CBLN4: variants seen among roughly 807,000 people sequenced by gnomAD.
CBLN4 encodes the protein cerebellin 4 precursor.
In CBLN4, 7 loss-of-function variants were observed where a neutral mutation model predicts 14.9. That is an observed-to-expected ratio of 0.47 (90% CI 0.27 to 0.88). The LOEUF is 0.88. Ranked by LOEUF, CBLN4 falls within the 40% of genes least tolerant of loss-of-function variation. The pLI, the probability that CBLN4 is intolerant of heterozygous loss-of-function variation, is 0.14. For synonymous variants in CBLN4, 131 were observed against 116.5 expected (o/e 1.12, Z -0.80); for missense variants, 188 against 256.8 (o/e 0.73, Z 1.83).
rs1208781213 is a variant in CBLN4 at position 55,997,498 on chromosome 20, C to T, written c.*1059G>A. On this transcript the variant is annotated 3_prime_UTR_variant, in exon 3 of 3. Coordinates refer to ENST00000064571, the MANE Select transcript of CBLN4 (RefSeq NM_080617.6). ...TAAATAATTTTATGAATTCATATGACCTATACAAAAGACAAGATATTGCAC... is the reference window on the plus strand; with the variant it reads ...TAAATAATTTTATGAATTCATATGATCTATACAAAAGACAAGATATTGCAC... 2 of 152,362 alleles carry T rather than the reference C, an allele frequency of 1.3e-5. No individual in the cohort carries two copies. The highest frequency in any genetic ancestry group is 3.9e-4 in the East Asian group (2 of 5,182). The allele number at this position is 152,362 out of a possible 1,614,324, so 9.4% of individuals were successfully genotyped here.
chr20:56,001,166 T>G (rs1986363028), intron 1 of CBLN4, among the ~76,000 whole-genome samples: 1 of 152,254 alleles, frequency 6.6e-6, no homozygotes. Flanking sequence ...TTTGTATTCA[T>G]GTCTCAATTT....
At chr20:56,001,082 A>G (rs903099819) in intron 1 of CBLN4, among the ~76,000 whole-genome samples, 18 of 152,156 alleles carry the variant, frequency 1.2e-4, no homozygotes, top group Admixed American at 4.6e-4. Flanking sequence ...CTCTTAACTG[A>G]TTTGGAAAAT....
chr20:56,004,966 T>C lies in CBLN4; in HGVS notation c.-795A>G, dbSNP rs116158020. The C allele has an allele frequency of 0.013, 1,912 of 152,474 alleles. 53 individuals are homozygous for C. The highest frequency in any genetic ancestry group is 0.043 in the African/African-American group (1,805 of 41,582). 9.4% of individuals were successfully genotyped at this position (152,474 alleles called of 1,614,324 possible). A position where few individuals can be genotyped will look rare whatever the true frequency, so the allele number is the denominator to read the frequency against. On this transcript the variant is annotated 5_prime_UTR_variant, in exon 1 of 3. Transcript: ENST00000064571. This position sits in a 1 kb window ranked among gnomAD's most constrained non-coding sequence, Gnocchi z 6.1. ...CTGCGCACAACTTTCTCGTCCCTCG[T>C]GCAGCCCGGAGAGCGCGAAGCGGGC...
rs1212235594 is a variant in CBLN4, at chr20:56,003,936, G to C, written c.236C>G (p.Thr79Ser). 6.2e-7 allele frequency: 1 copy of C among 1,613,754 alleles called. No homozygotes were observed. The highest frequency in any genetic ancestry group is 1.7e-5 in the Admixed American group (1 of 59,980). ...GCTCATCTCGGATGGCTCGTGGTTG[G>C]TGCTCCGCACCGCCGAGAAGGCGAC... ...SKVAFSAVRS[T>S]NHEPSEMSNK... The change falls in exon 1 of 3, where the codon ACC (threonine) becomes AGC (serine). Residue 79 changes from threonine to serine, a missense_variant. Coordinates refer to ENST00000064571, the MANE Select transcript of CBLN4 (RefSeq NM_080617.6).
rs1986296808 is a variant in CBLN4 at position 55,997,489 on chromosome 20, T to C, written c.*1068A>G. On this transcript the variant is annotated 3_prime_UTR_variant, in exon 3 of 3. Transcript: ENST00000064571. ...TAACAGACATAAATAATTTTATGAA[T>C]TCATATGACCTATACAAAAGACAAG... 6.6e-6 allele frequency: 1 copy of C among 152,578 alleles called. No individual in the cohort carries two copies. The highest frequency in any genetic ancestry group is 2.1e-4 in the South Asian group (1 of 4,824). 9.5% of individuals were successfully genotyped at this position (152,578 alleles called of 1,614,324 possible).
Position 55,997,441 on chromosome 20 carries a change from A to AACAT in CBLN4, c.*1112_*1115dup, listed in dbSNP as rs1250563637. 2.0e-5 allele frequency: 3 copies of AACAT among 152,626 alleles called. No homozygotes were observed. Among genetic ancestry groups the AACAT allele is most frequent in the Non-Finnish European group, 4.4e-5 (3 of 68,032 alleles). The allele number at this position is 152,626 out of a possible 1,614,324, so 9.5% of individuals were successfully genotyped here. A position where few individuals can be genotyped will look rare whatever the true frequency, so the allele number is the denominator to read the frequency against. On this transcript the variant is annotated 3_prime_UTR_variant, in exon 3 of 3. Transcript: ENST00000064571. ...ACGGAAAGAAAAAAACAATTCAACT[A>AACAT]ACATATATTAATCTTTATTCTATAA...
At chr20:56,001,855 A>G (rs746082710) in intron 1 of CBLN4, among the ~76,000 whole-genome samples, 1 of 152,164 alleles carries the variant, frequency 6.6e-6, no homozygotes, top group Admixed American at 6.5e-5. Context: ...GTCTCTTTCT[A>G]TGAGAAAGAG....
Position 56,004,059 on chromosome 20 carries a change from C to T in CBLN4, c.113G>A (p.Gly38Asp). The change falls in exon 1 of 3, where the codon GGC becomes GAC. Residue 38 changes from glycine to aspartate, a missense_variant. Physicochemically the swap from Gly to Asp is moderately conservative, Grantham distance 94. This residue lies in a region of CBLN4 where 95 missense variants were observed against 99.2 expected (regional missense o/e 0.96). Coordinates refer to ENST00000064571, the MANE Select transcript of CBLN4 (RefSeq NM_080617.6). The surrounding 1 kb of genome is among the most constrained non-coding windows in gnomAD (Gnocchi z 6.1). ...QNDTEPIVLE[G>D]KCLVVCDSNP... is the part of the protein sequence containing the mutation. ...CGAGTCGCACACCACCAGACACTTGCCCTCCAGCACGATGGGCTCCGTGTC... is the reference window on the plus strand; with the variant it reads ...CGAGTCGCACACCACCAGACACTTGTCCTCCAGCACGATGGGCTCCGTGTC... 6.2e-7 allele frequency: 1 copy of T among 1,613,840 alleles called. No homozygotes were observed. Among genetic ancestry groups the T allele is most frequent in the Non-Finnish European group, 8.5e-7 (1 of 1,179,946 alleles).
Position 56,004,026 on chromosome 20 carries a change from G to A in CBLN4, c.146C>T (p.Ala49Val). Residue 49 changes from alanine to valine, a missense_variant, in exon 1 of 3, where the codon GCC becomes GTC. Ala to Val is a moderately conservative substitution (Grantham distance 64). Coordinates refer to ENST00000064571, the MANE Select transcript of CBLN4 (RefSeq NM_080617.6). This position sits in a 1 kb window ranked among gnomAD's most constrained non-coding sequence, Gnocchi z 6.1. The part of the protein sequence containing the change: ...KCLVVCDSNP[A>V]TDSKGSSSSP... ...GGAAGAGGAGCCCTTGGAGTCCGTGGCCGGGTTCGAGTCGCACACCACCAG... is the reference window on the plus strand; with the variant it reads ...GGAAGAGGAGCCCTTGGAGTCCGTGACCGGGTTCGAGTCGCACACCACCAG... The A allele has an allele frequency of 1.2e-6, 2 of 1,614,040 alleles. No homozygotes were observed. The highest frequency in any genetic ancestry group is 1.7e-6 in the Non-Finnish European group (2 of 1,179,982).
intron 1 of CBLN4, among the ~76,000 whole-genome samples, chr20:56,003,434 C>T (rs1986408156): frequency 6.6e-6 from 1 of 152,228 alleles, no homozygotes; most frequent in Admixed American, 6.5e-5. Flanking sequence ...GCTTCTCTAC[C>T]TGGGAGAAAC....
At chr20:55,999,165 C>T (rs369865983) in intron 2 of CBLN4, among the ~76,000 whole-genome samples, 1 of 152,288 alleles carries the variant, frequency 6.6e-6, no homozygotes, top group African/African-American at 2.4e-5. Context: ...CATAAGAGAC[C>T]CAGATACAAC....
rs1986449634 is a variant in CBLN4 at position 56,005,277 on chromosome 20, G to A, written c.-1106C>T. The A allele has an allele frequency of 6.6e-6, 1 of 152,350 alleles. No individual in the cohort carries two copies. The highest frequency in any genetic ancestry group is 1.5e-5 in the Non-Finnish European group (1 of 68,152). 9.4% of individuals were successfully genotyped at this position (152,350 alleles called of 1,614,324 possible). A position where few individuals can be genotyped will look rare whatever the true frequency, so the allele number is the denominator to read the frequency against. On this transcript the variant is annotated 5_prime_UTR_variant, in exon 1 of 3. Coordinates refer to ENST00000064571, the MANE Select transcript of CBLN4 (RefSeq NM_080617.6). ...GCGCCCACTCTCTCCTGCTCGATCT[G>A]AGTCCGCAGAGGAGGCGGCTGGTCC...
chr20:55,997,359 G>T lies in CBLN4; in HGVS notation c.*1198C>A, dbSNP rs1331275936. On this transcript the variant is annotated 3_prime_UTR_variant, in exon 3 of 3. Transcript: ENST00000064571. ...AAAAAAGGAGCAAAGAAGGAAGAAA[G>T]GGTTAAGAAGAGACAAAGTAAGAGG... The T allele has an allele frequency of 1.3e-5, 2 of 150,772 alleles. No individual in the cohort carries two copies. The highest frequency in any genetic ancestry group is 2.9e-5 in the Non-Finnish European group (2 of 67,968). 9.3% of individuals were successfully genotyped at this position (150,772 alleles called of 1,614,324 possible). A position where few individuals can be genotyped will look rare whatever the true frequency, so the allele number is the denominator to read the frequency against.
chr20:56,003,105 A>C (rs938271516), intron 1 of CBLN4, among the ~76,000 whole-genome samples: 3 of 152,174 alleles, frequency 2.0e-5, no homozygotes, highest in Non-Finnish European at 2.9e-5. Flanking sequence ...CATCAACCTC[A>C]AAGTCTGTCT....
chr20:56,002,214 A>T (rs1309012081), intron 1 of CBLN4, among the ~76,000 whole-genome samples: 1 of 152,142 alleles, frequency 6.6e-6, no homozygotes, highest in East Asian at 1.9e-4. Flanking sequence ...TAAGCATCAG[A>T]TTTTTTTTGT....
At chr20:56,003,666 C>T (rs1172239671) in intron 1 of CBLN4, among the ~76,000 whole-genome samples, 1 of 152,160 alleles carries the variant, frequency 6.6e-6, no homozygotes, top group African/African-American at 2.4e-5. Flanking sequence ...GCAGCAGCCT[C>T]TTTTAGGGGC....
At chr20:56,003,649 C>G (rs1986412236) in intron 1 of CBLN4, among the ~76,000 whole-genome samples, 1 of 152,178 alleles carries the variant, frequency 6.6e-6, no homozygotes, top group South Asian at 2.1e-4. Context: ...GCCTCTCCCC[C>G]GCCGCCGCAG....
chr20:56,004,016 G>A lies in CBLN4; in HGVS notation c.156C>T (p.Ser52=). 1 of 1,614,062 alleles carries A rather than the reference G, an allele frequency of 6.2e-7. No homozygotes were observed. The highest frequency in any genetic ancestry group is 8.5e-7 in the Non-Finnish European group (1 of 1,179,984). Reference sequence around the variant, plus strand: ...CCAGCGGGGAGGAAGAGGAGCCCTTGGAGTCCGTGGCCGGGTTCGAGTCGC... The same window carrying A: ...CCAGCGGGGAGGAAGAGGAGCCCTTAGAGTCCGTGGCCGGGTTCGAGTCGC... ...VVCDSNPATD[S]KGSSSSPLGI... is the part of the protein sequence containing the mutation. Residue 52 remains serine, a synonymous_variant, in exon 1 of 3, where the codon TCC becomes TCT. Transcript: ENST00000064571. This position sits in a 1 kb window ranked among gnomAD's most constrained non-coding sequence, Gnocchi z 6.1.
rs1986417017 is a variant in CBLN4 at position 56,003,873 on chromosome 20, G to C, written c.291+8C>G. The C allele has an allele frequency of 6.2e-7, 1 of 1,601,458 alleles. No individual in the cohort carries two copies. Among genetic ancestry groups the C allele is most frequent in the Non-Finnish European group, 8.5e-7 (1 of 1,173,432 alleles). ...CCCCCTAGGTGCTCGCTTCCCCCCG[G>C]GTCTGACCTGATCGAAGTAAATGAT... On this transcript the variant is annotated splice_region_variant and intron_variant, in intron 1 of 2. Transcript: ENST00000064571.
Sources: allele counts gnomAD v4.1 joint callset (sites outside exome capture counted in the v4.1 genomes callset), GRCh38; gene constraint gnomAD v4.1.1; regional missense constraint gnomAD v4.1.1; non-coding constraint Gnocchi (gnomAD v3.1); transcripts MANE v1.5; gene names NCBI Gene and HGNC (gene_info 2026-07-23, HGNC 2026-07-21).